The following GRIA4 variants were observed in gnomAD, a reference collection of about 807,000 sequenced individuals.
GRIA4 encodes the protein glutamate ionotropic receptor AMPA type subunit 4.
A neutral mutation model predicts 104.0 loss-of-function variants in GRIA4; 34 were observed. That is an observed-to-expected ratio of 0.33 (90% CI 0.25 to 0.44). The LOEUF (loss-of-function observed/expected upper bound fraction) is 0.44. Ranked by LOEUF, GRIA4 falls within the 20% of genes least tolerant of loss-of-function variation. The pLI is 1.00. For synonymous variants in GRIA4, 386 were observed against 381.9 expected, an observed-to-expected ratio of 1.01 and a Z score of -0.13; for missense variants, 750 against 1,096.5, an observed-to-expected ratio of 0.68 and a Z score of 4.46.
chr11:105,745,004 T>C (rs1453745232), intron 3 of GRIA4, among the ~76,000 whole-genome samples: 1 of 152,158 alleles, frequency 6.6e-6, no homozygotes, highest in Non-Finnish European at 1.5e-5. Flanking sequence ...GTAAACCTTT[T>C]AATACATGAA....
rs188694310 is a variant in GRIA4, at chr11:105,872,011, G to A, written c.672+9803G>A. Among the ~76,000 whole-genome samples the A allele has an allele frequency of 5.6e-3, 855 of 152,168 alleles. 3 individuals carry two copies. The highest frequency in any genetic ancestry group is 0.01 in the Middle Eastern group (3 of 290). On this transcript the variant is annotated intron_variant, in intron 5 of 16. Coordinates refer to ENST00000282499, the MANE Select transcript of GRIA4 (RefSeq NM_000829.4). Reference sequence around the variant, plus strand: ...ATGTGAAAGTTAAGGAAGGAGGTGAGTGAAAGATAATGCTCTAGGAAGAAT... The same window carrying A: ...ATGTGAAAGTTAAGGAAGGAGGTGAATGAAAGATAATGCTCTAGGAAGAAT...
At chr11:105,641,958 G>T (rs1357333758) in intron 3 of GRIA4, among the ~76,000 whole-genome samples, 1 of 152,118 alleles carries the variant, frequency 6.6e-6, no homozygotes, top group African/African-American at 2.4e-5. Context: ...GGCAGCAAAG[G>T]TGGTTTCTTC....
intron 5 of GRIA4, among the ~76,000 whole-genome samples, chr11:105,874,366 GT>G (rs1945737050): frequency 6.6e-6 from 1 of 152,094 alleles, no homozygotes; most frequent in Admixed American, 6.5e-5. Context: ...CTCTGACTTT[GT>G]TCTATTTGCT....
At chr11:105,884,999 T>C (rs982570106) in intron 5 of GRIA4, among the ~76,000 whole-genome samples, 2 of 150,410 alleles carry the variant, frequency 1.3e-5, no homozygotes, top group African/African-American at 2.4e-5. Flanking sequence ...TTAGAGAGAG[T>C]GCAAAATGGC....
intron 14 of GRIA4, among the ~76,000 whole-genome samples, chr11:105,936,691 G>A (rs1186978885): frequency 6.6e-6 from 1 of 152,112 alleles, no homozygotes; most frequent in Non-Finnish European, 1.5e-5. Flanking sequence ...GAGAGAGTAC[G>A]ATATATAACC....
At chr11:105,773,302 G>A (rs1420435629) in intron 4 of GRIA4, among the ~76,000 whole-genome samples, 2 of 152,044 alleles carry the variant, frequency 1.3e-5, no homozygotes, top group African/African-American at 4.8e-5. Flanking sequence ...AAGGGGTTGA[G>A]CATCTATTTA....
intron 3 of GRIA4, among the ~76,000 whole-genome samples, chr11:105,689,753 T>C (rs1427936628): frequency 6.6e-6 from 1 of 152,220 alleles, no homozygotes; most frequent in Non-Finnish European, 1.5e-5. Flanking sequence ...TTATTCTCTC[T>C]CCTTTTCCTT....
intron 3 of GRIA4, among the ~76,000 whole-genome samples, chr11:105,683,378 AAT>A (rs1441221169): frequency 2.0e-5 from 3 of 152,122 alleles, no homozygotes; most frequent in East Asian, 3.9e-4. Flanking sequence ...AGCACAAGAA[AAT>A]ATGTTTTATT....
intron 4 of GRIA4, among the ~76,000 whole-genome samples, chr11:105,762,509 T>C (rs1234345323): frequency 6.6e-6 from 1 of 152,208 alleles, no homozygotes; most frequent in Non-Finnish European, 1.5e-5. Flanking sequence ...TTTGGAAATA[T>C]TTACTTGCCA....
At chr11:105,888,524 G>C (rs1485537324) in intron 6 of GRIA4, among the ~76,000 whole-genome samples, 1 of 151,500 alleles carries the variant, frequency 6.6e-6, no homozygotes, top group Non-Finnish European at 1.5e-5. Context: ...CTGACCTCGT[G>C]ATCCGCCCGC....
At chr11:105,915,513 C>G (rs1177512846) in intron 10 of GRIA4, among the ~76,000 whole-genome samples, 1 of 152,092 alleles carries the variant, frequency 6.6e-6, no homozygotes, top group Non-Finnish European at 1.5e-5. Context: ...TTTAGAAAAC[C>G]TGAATCAGAA....
chr11:105,932,148 CTTTTTTT>C (rs562938424), intron 13 of GRIA4, among the ~76,000 whole-genome samples: 2 of 148,318 alleles, frequency 1.3e-5, no homozygotes, highest in African/African-American at 2.5e-5. Flanking sequence ...TTCTTTTTTT[CTTTTTTT>C]TTAGATGGAG....
At chr11:105,713,380 CA>C (rs745560345) in intron 3 of GRIA4, among the ~76,000 whole-genome samples, 5,336 of 135,962 alleles carry the variant, frequency 0.039, 194 homozygotes, top group African/African-American at 0.1. Context: ...AACTGCATCT[CA>C]AAAAAAAAAA....
chr11:105,693,903 A>G (rs146928222), intron 3 of GRIA4, among the ~76,000 whole-genome samples: 1 of 152,320 alleles, frequency 6.6e-6, no homozygotes, highest in East Asian at 1.9e-4. Flanking sequence ...TTATGATTGT[A>G]TGACTCAAAA....
At chr11:105,767,949 A>C (rs1941028216) in intron 4 of GRIA4, among the ~76,000 whole-genome samples, 1 of 152,150 alleles carries the variant, frequency 6.6e-6, no homozygotes, top group South Asian at 2.1e-4. Context: ...CAAAGAAAAT[A>C]GTAGAGTAAG....
intron 4 of GRIA4, among the ~76,000 whole-genome samples, chr11:105,779,481 G>T (rs929862869): frequency 6.6e-6 from 1 of 151,732 alleles, no homozygotes; most frequent in African/African-American, 2.4e-5. Flanking sequence ...TCATTGTTCA[G>T]TTCCCACCTA....
chr11:105,712,479 A>C (rs1207590562), intron 3 of GRIA4, among the ~76,000 whole-genome samples: 1 of 152,064 alleles, frequency 6.6e-6, no homozygotes, highest in East Asian at 1.9e-4. Context: ...ACTTAGAATA[A>C]TACCATATAA....
chr11:105,899,285 C>T (rs1031925845), intron 7 of GRIA4, among the ~76,000 whole-genome samples: 3 of 152,158 alleles, frequency 2.0e-5, no homozygotes, highest in Non-Finnish European at 4.4e-5. Flanking sequence ...CTTATAAAAT[C>T]ACAGAATTTC....
chr11:105,874,941 C>T (rs1361625651), intron 5 of GRIA4, among the ~76,000 whole-genome samples: 1 of 152,120 alleles, frequency 6.6e-6, no homozygotes, highest in Non-Finnish European at 1.5e-5. Context: ...CCAGAACTTC[C>T]AATAATGTGT....
Sources: allele counts gnomAD v4.1 joint callset (sites outside exome capture counted in the v4.1 genomes callset), GRCh38; gene constraint gnomAD v4.1.1; transcripts MANE v1.5; gene names NCBI Gene and HGNC (gene_info 2026-07-23, HGNC 2026-07-21).